The following RPAP2 variants were observed in gnomAD, a reference collection of about 807,000 sequenced individuals.
RPAP2 encodes putative RNA polymerase II subunit B1 CTD phosphatase RPAP2.
A neutral mutation model predicts 73.1 loss-of-function variants in RPAP2; 52 were observed. The ratio of observed to expected loss-of-function variants is 0.71; its 90% confidence interval spans 0.57 to 0.90. RPAP2 has a LOEUF of 0.90. Among genes scored for constraint, RPAP2 ranks in the 40% least tolerant of loss-of-function variants. The probability of loss-of-function intolerance (pLI) is 0.00; values close to 1 mark genes in which losing one functional copy is unlikely to be tolerated. For synonymous variants in RPAP2, 225 were observed against 242.1 expected (o/e 0.93, Z 0.65); for missense variants, 598 against 701.8 (o/e 0.85, Z 1.67).
chr1:92,318,327 T>C (rs1322562337), intron 6 of RPAP2, among the ~76,000 whole-genome samples: 2 of 152,208 alleles, frequency 1.3e-5, no homozygotes, highest in East Asian at 1.9e-4. Flanking sequence ...TGTTACTCAC[T>C]TTATGGATGG....
In RPAP2 at chr1:92,387,907, T is replaced by A. The variant is rs1215794731; in HGVS notation, c.*896T>A. The A allele has an allele frequency of 1.3e-5, 2 of 152,172 alleles. No homozygotes were observed. Among genetic ancestry groups the A allele is most frequent in the Non-Finnish European group, 2.9e-5 (2 of 68,032 alleles). 9.4% of individuals were successfully genotyped at this position (152,172 alleles called of 1,614,324 possible). On this transcript the variant is annotated 3_prime_UTR_variant, in exon 13 of 13. Transcript: ENST00000610020. Reference sequence around the variant, plus strand: ...CATAGAATTGGCTACTGCCATACAATCTCTATGGGAAAGGACTGCAAAAAC... The same window carrying A: ...CATAGAATTGGCTACTGCCATACAAACTCTATGGGAAAGGACTGCAAAAAC...
rs952295412 is a variant in RPAP2, at chr1:92,331,753, T to C, written c.1456-1638T>C. Among the ~76,000 whole-genome samples the C allele has an allele frequency of 3.3e-5, 5 of 152,286 alleles. No individual in the cohort carries two copies. In the East Asian group the frequency reaches 9.6e-4, roughly 29 times the overall value. ...TACTCTTTCATTGTTTTTCATTCCTTCTTCTATCCCCATTCTTCCATCTGA... is the reference window on the plus strand; with the variant it reads ...TACTCTTTCATTGTTTTTCATTCCTCCTTCTATCCCCATTCTTCCATCTGA... On this transcript the variant is annotated intron_variant, in intron 8 of 12. Transcript: ENST00000610020.
chr1:92,305,243 T>A (rs1008170200), intron 5 of RPAP2, among the ~76,000 whole-genome samples: 2 of 151,720 alleles, frequency 1.3e-5, no homozygotes, highest in African/African-American at 4.8e-5. Context: ...CCATCCTGGC[T>A]AACACAGTGA....
At chr1:92,326,987 G>T (rs930698683) in intron 8 of RPAP2, among the ~76,000 whole-genome samples, 1 of 152,176 alleles carries the variant, frequency 6.6e-6, no homozygotes, top group Non-Finnish European at 1.5e-5. Flanking sequence ...TGTTCATTTG[G>T]AATTGTTACA....
Position 92,300,350 on chromosome 1 carries a change from G to A in RPAP2, c.119+111G>A, listed in dbSNP as rs1272437122. On this transcript the variant is annotated intron_variant, in intron 2 of 12. Coordinates refer to ENST00000610020, the MANE Select transcript of RPAP2 (RefSeq NM_024813.3). ...TTTTTTTTTTAGAGAAAATTATCAT[G>A]AGAGGGAAGGGAAAGATCTGGGAAG... The A allele has an allele frequency of 3.7e-6, 3 of 802,662 alleles. No homozygotes were observed. The South Asian group carries it at 5.1e-5, about 14-fold the overall frequency. The allele number at this position is 802,662 out of a possible 1,614,324, so 49.7% of individuals were successfully genotyped here.
At chr1:92,308,156 A>G (rs72958788) in intron 6 of RPAP2, among the ~76,000 whole-genome samples, 1,612 of 152,248 alleles carry the variant, frequency 0.011, 31 homozygotes, top group African/African-American at 0.037. Flanking sequence ...AATAACATCA[A>G]TTATGCTGAC....
At position 92,299,090 on chromosome 1, in the gene RPAP2, G is replaced by T; in HGVS notation, c.17G>T (p.Gly6Val). The T allele has an allele frequency of 1.3e-6, 2 of 1,518,378 alleles. No individual in the cohort carries two copies. Among genetic ancestry groups the T allele is most frequent in the Non-Finnish European group, 8.9e-7 (1 of 1,129,924 alleles). 94.1% of individuals were successfully genotyped at this position (1,518,378 alleles called of 1,614,324 possible). A position where few individuals can be genotyped will look rare whatever the true frequency, so the allele number is the denominator to read the frequency against. MADFA[G>V]PSSAGRKAGA... ...CTCTCCCCCATGGCGGACTTCGCTG[G>T]GCCGTCTTCTGCCGGCCGCAAGGCC... Residue 6 changes from glycine (G) to valine (V), a missense_variant, in exon 1 of 13, where the codon GGG becomes GTG. Physicochemically the swap from Gly to Val is moderately radical, Grantham distance 109. This residue lies in a region of RPAP2 where 77 missense variants were observed against 55.7 expected (regional missense o/e 1.38). Transcript: ENST00000610020.
intron 12 of RPAP2, among the ~76,000 whole-genome samples, chr1:92,381,690 T>C (rs1655644261): frequency 6.6e-6 from 1 of 151,274 alleles, no homozygotes; most frequent in South Asian, 2.1e-4. Flanking sequence ...AAAGGAAAAT[T>C]CCCCCTTCAC....
At chr1:92,333,501 T>TGTA in intron 9 of RPAP2, 28 bp downstream of exon 9, 1 of 1,480,116 alleles carries the variant, frequency 6.8e-7, no homozygotes, top group African/African-American at 1.4e-5. Context: ...ATTCCAGCTT[T>TGTA]GTAGTAGTTT....
At chr1:92,386,443 G>A (rs984038934) in intron 12 of RPAP2, among the ~76,000 whole-genome samples, 8 of 152,198 alleles carry the variant, frequency 5.3e-5, no homozygotes. Flanking sequence ...GTGAGCTAAC[G>A]AAATCATTCT....
intron 10 of RPAP2, among the ~76,000 whole-genome samples, chr1:92,337,173 A>T (rs151338953): frequency 4.4e-4 from 67 of 152,228 alleles, no homozygotes; most frequent in African/African-American, 1.5e-3. Context: ...AGGGTGGAAG[A>T]ATTAATTCAT....
chr1:92,393,985 C>G lies in RPAP2; in HGVS notation c.*6974C>G, dbSNP rs1196694428. ...GCAATCCCACTATTGGGCATATACC[C>G]AAAAGATTATAAATCATTCTACAAT... On this transcript the variant is annotated 3_prime_UTR_variant, in exon 13 of 13. Transcript: ENST00000610020. 1 of 152,114 alleles carries G rather than the reference C, an allele frequency of 6.6e-6. No individual in the cohort carries two copies. The highest frequency in any genetic ancestry group is 2.4e-5 in the African/African-American group (1 of 41,388). The allele number at this position is 152,114 out of a possible 1,614,324, so 9.4% of individuals were successfully genotyped here.
intron 6 of RPAP2, among the ~76,000 whole-genome samples, chr1:92,312,810 CT>C (rs975182169): frequency 1.3e-3 from 182 of 143,338 alleles, no homozygotes; most frequent in African/African-American, 2.0e-3. Flanking sequence ...CCCAAATGTT[CT>C]TTTTTTTTTT....
intron 6 of RPAP2, among the ~76,000 whole-genome samples, chr1:92,313,876 T>C (rs957661058): frequency 6.6e-6 from 1 of 152,234 alleles, no homozygotes; most frequent in African/African-American, 2.4e-5. Context: ...CCTTGCACTT[T>C]TATGTTGTGG....
intron 8 of RPAP2, chr1:92,333,143 G>T: frequency 2.4e-6 from 1 of 417,078 alleles, no homozygotes. Flanking sequence ...TTTAATAAAG[G>T]AGGTATTAAT....
intron 6 of RPAP2, among the ~76,000 whole-genome samples, chr1:92,317,621 G>A (rs546994628): frequency 6.6e-6 from 1 of 152,262 alleles, no homozygotes; most frequent in East Asian, 1.9e-4. Context: ...GATGCATGGT[G>A]GCGATAGTTG....
intron 10 of RPAP2, among the ~76,000 whole-genome samples, chr1:92,344,452 T>C (rs1653772138): frequency 6.6e-6 from 1 of 152,216 alleles, no homozygotes; most frequent in South Asian, 2.1e-4. Flanking sequence ...TTCAAAATTA[T>C]GATGAGCAAA....
intron 11 of RPAP2, among the ~76,000 whole-genome samples, chr1:92,375,402 A>T (rs973804461): frequency 3.3e-5 from 5 of 152,206 alleles, no homozygotes; most frequent in African/African-American, 1.2e-4. Flanking sequence ...GATCAGAAAT[A>T]TTCAGGGAAA....
chr1:92,308,726 A>G (rs1022942497), intron 6 of RPAP2, among the ~76,000 whole-genome samples: 1 of 152,182 alleles, frequency 6.6e-6, no homozygotes, highest in African/African-American at 2.4e-5. Context: ...TTGAGAAGCC[A>G]AGGTGGGTGG....
Sources: allele counts gnomAD v4.1 joint callset (sites outside exome capture counted in the v4.1 genomes callset), GRCh38; gene constraint gnomAD v4.1.1; regional missense constraint gnomAD v4.1.1; transcripts MANE v1.5; gene names NCBI Gene and HGNC (gene_info 2026-07-23, HGNC 2026-07-21).